KIDINS220: variants seen among roughly 807,000 people sequenced by gnomAD.
The protein encoded by KIDINS220 is kinase D-interacting substrate of 220 kDa.
A neutral mutation model predicts 157.6 loss-of-function variants in KIDINS220; 63 were observed. The observed-to-expected ratio is 0.40, with a 90% CI of 0.33 to 0.49. KIDINS220 has a LOEUF of 0.49. KIDINS220 is among the 20% of genes least tolerant of loss of function. The probability of loss-of-function intolerance (pLI) is 0.66; values close to 1 mark genes in which losing one functional copy is unlikely to be tolerated. For missense variants in KIDINS220, 1,772 were observed against 2,171.2 expected, an observed-to-expected ratio of 0.82 and a Z score of 3.65; for synonymous variants, 732 against 783.6, an observed-to-expected ratio of 0.93 and a Z score of 1.10.
At chr2:8,739,254 T>C (rs1665301098) in intron 26 of KIDINS220, among the ~76,000 whole-genome samples, 1 of 152,216 alleles carries the variant, frequency 6.6e-6, no homozygotes, top group Non-Finnish European at 1.5e-5. Flanking sequence ...GTAGAATATA[T>C]ATGTTACCTC....
At chr2:8,797,826 T>A (rs1248276702) in intron 10 of KIDINS220, among the ~76,000 whole-genome samples, 1 of 152,216 alleles carries the variant, frequency 6.6e-6, no homozygotes, top group Non-Finnish European at 1.5e-5. Context: ...TGTATTCATT[T>A]AAAGAGACAG....
At position 8,733,604 on chromosome 2, in the gene KIDINS220, G is replaced by A. The variant is rs1664447767; in HGVS notation, c.3893C>T (p.Pro1298Leu). ...GCGAGCAGGCTCACCGTGCGGGGCT[G>A]GGCCACTGCTGCTCTCACTGAGGAA... is the stretch of plus-strand genomic sequence containing the variant. ...PRFLSESSSG[P>L]APHGEPARRA... The change falls in exon 29 of 30, where the codon CCA becomes CTA. Residue 1298 changes from proline to leucine, a missense_variant. Physicochemically the swap from Pro to Leu is moderately conservative, Grantham distance 98. Coordinates refer to ENST00000256707, the MANE Select transcript of KIDINS220 (RefSeq NM_020738.4). The A allele has an allele frequency of 1.9e-6, 3 of 1,613,854 alleles. No individual in the cohort carries two copies. The highest frequency in any genetic ancestry group is 2.5e-6 in the Non-Finnish European group (3 of 1,179,874).
chr2:8,802,202 C>G (rs1279891946), intron 8 of KIDINS220, among the ~76,000 whole-genome samples: 1 of 152,114 alleles, frequency 6.6e-6, no homozygotes, highest in Non-Finnish European at 1.5e-5. Flanking sequence ...AACATTCATC[C>G]TCAGTGCAAC....
At chr2:8,798,995 A>G (rs1674337754) in intron 9 of KIDINS220, among the ~76,000 whole-genome samples, 1 of 152,162 alleles carries the variant, frequency 6.6e-6, no homozygotes, top group Non-Finnish European at 1.5e-5. Flanking sequence ...CTTTTGCAGC[A>G]GCCACATTAA....
At chr2:8,805,229 C>A (rs1427480449) in intron 7 of KIDINS220, among the ~76,000 whole-genome samples, 1 of 152,156 alleles carries the variant, frequency 6.6e-6, no homozygotes, top group Non-Finnish European at 1.5e-5. Flanking sequence ...TTCCTGGAAG[C>A]CCCCTGAACT....
intron 7 of KIDINS220, among the ~76,000 whole-genome samples, chr2:8,805,405 C>A (rs2148341146): frequency 1.3e-5 from 2 of 152,258 alleles, no homozygotes; most frequent in East Asian, 3.9e-4. Context: ...TCCCTGGCAA[C>A]CAGCACCTCA....
At position 8,732,305 on chromosome 2, in the gene KIDINS220, C is replaced by T. The variant is rs182309898; in HGVS notation, c.4054-323G>A. 2.1e-3 allele frequency among the ~76,000 whole-genome samples: 325 copies of T among 152,176 alleles called. 2 individuals are homozygous for T. Among genetic ancestry groups the T allele is most frequent in the Non-Finnish European group, 3.8e-3 (261 of 68,000 alleles). On this transcript the variant is annotated intron_variant, in intron 29 of 29. Transcript: ENST00000256707. ...AAGAGACAGGATCTTGCTGTGTTGC[C>T]CAGGCTAGATTCAAACTACTGGACT...
chr2:8,763,375 A>T (rs890724560), intron 22 of KIDINS220, among the ~76,000 whole-genome samples: 5 of 152,120 alleles, frequency 3.3e-5, no homozygotes, highest in African/African-American at 1.2e-4. Flanking sequence ...CTAATCCAAA[A>T]ATCCAAAATC....
intron 3 of KIDINS220, 52 bp from the exon 4 acceptor site, chr2:8,817,768 AAAGT>A (rs1242441489): frequency 1.6e-6 from 2 of 1,230,308 alleles, no homozygotes; most frequent in African/African-American, 3.1e-5. Flanking sequence ...ATAACACGTC[AAAGT>A]AAGGAAAACT....
In KIDINS220 at chr2:8,731,099, C is replaced by A. The variant is rs1664013318; in HGVS notation, c.4937G>T (p.Cys1646Phe). Residue 1646 changes from cysteine to phenylalanine, a missense_variant, in exon 30 of 30, where the codon TGT becomes TTT. Physicochemically the swap from Cys to Phe is radical, Grantham distance 205. Coordinates refer to ENST00000256707, the MANE Select transcript of KIDINS220 (RefSeq NM_020738.4). This position sits in a 1 kb window ranked among gnomAD's most constrained non-coding sequence, Gnocchi z 5.2. ...GGAAGGGCTTTTCTTGTCTTCTGAA[C>A]AAATGGACATCCGAGCTATAATTGG... is the stretch of plus-strand genomic sequence containing the variant. ...QDPIIARMSI[C>F]SEDKKSPSEC... The A allele has an allele frequency of 1.9e-6, 3 of 1,614,062 alleles. No homozygotes were observed. Among genetic ancestry groups the A allele is most frequent in the Non-Finnish European group, 2.5e-6 (3 of 1,180,050 alleles).
chr2:8,738,041 T>C (rs1665125000), intron 26 of KIDINS220, among the ~76,000 whole-genome samples: 1 of 152,228 alleles, frequency 6.6e-6, no homozygotes, highest in Non-Finnish European at 1.5e-5. Flanking sequence ...CTCCTTGCTC[T>C]GGATACAGTT....
At chr2:8,829,679 G>C (rs1458831406) in intron 1 of KIDINS220, among the ~76,000 whole-genome samples, 1 of 152,030 alleles carries the variant, frequency 6.6e-6, no homozygotes, top group East Asian at 1.9e-4. Context: ...TATTTTAAAT[G>C]TATACATTTT....
intron 21 of KIDINS220, among the ~76,000 whole-genome samples, chr2:8,775,779 C>T (rs1326246015): frequency 6.6e-6 from 1 of 152,114 alleles, no homozygotes; most frequent in East Asian, 1.9e-4. Flanking sequence ...AAGGGAGCAA[C>T]AATCTGTGTG....
chr2:8,828,146 T>C (rs1343677955), intron 1 of KIDINS220, among the ~76,000 whole-genome samples: 1 of 152,240 alleles, frequency 6.6e-6, no homozygotes, highest in Non-Finnish European at 1.5e-5. Context: ...CCTGTGACTG[T>C]AGCTCCTACC....
downstream of KIDINS220, chr2:8,727,019 C>T: frequency 9.1e-7 from 1 of 1,103,588 alleles, no homozygotes; most frequent in Admixed American, 2.4e-5. Flanking sequence ...GGATTCTCAA[C>T]CTTTGTGATA....
intron 2 of KIDINS220, among the ~76,000 whole-genome samples, chr2:8,823,972 ACT>A (rs1047762203): frequency 5.3e-5 from 8 of 150,142 alleles, no homozygotes; most frequent in African/African-American, 4.9e-5. Context: ...TATTCTGAAG[ACT>A]CAAAAAAAAA....
chr2:8,810,678 C>G (rs1676161996), intron 6 of KIDINS220, among the ~76,000 whole-genome samples: 1 of 152,172 alleles, frequency 6.6e-6, no homozygotes, highest in East Asian at 1.9e-4. Context: ...CCCAGCTACT[C>G]AGAAGGCTGA....
intron 4 of KIDINS220, among the ~76,000 whole-genome samples, chr2:8,815,377 G>A (rs1390235904): frequency 1.3e-5 from 2 of 149,868 alleles, no homozygotes; most frequent in African/African-American, 4.9e-5. Flanking sequence ...CTCCAGCCTG[G>A]GTGACAGAGA....
intron 29 of KIDINS220, 32 bp from the exon 30 acceptor site, chr2:8,732,014 T>C (rs1664190774): frequency 6.6e-7 from 1 of 1,515,506 alleles, no homozygotes; most frequent in Non-Finnish European, 8.8e-7. Context: ...AATTTAAAAA[T>C]TCAAATAAGA....
Sources: allele counts gnomAD v4.1 joint callset (sites outside exome capture counted in the v4.1 genomes callset), GRCh38; gene constraint gnomAD v4.1.1; non-coding constraint Gnocchi (gnomAD v3.1); transcripts MANE v1.5; gene names NCBI Gene and HGNC (gene_info 2026-07-23, HGNC 2026-07-21).